GPHN: variants seen among roughly 807,000 people sequenced by gnomAD.
GPHN encodes the protein gephyrin.
In GPHN, 17 loss-of-function variants were observed where a neutral mutation model predicts 95.5. That is an observed-to-expected ratio of 0.18 (90% CI 0.12 to 0.27). GPHN has a LOEUF of 0.27. Ranked by LOEUF, GPHN falls within the 10% of genes least tolerant of loss-of-function variation. The probability of loss-of-function intolerance (pLI) is 1.00; values close to 1 mark genes in which losing one functional copy is unlikely to be tolerated. For missense variants in GPHN, 660 were observed against 978.1 expected (o/e 0.67, Z 4.34); for synonymous variants, 320 against 322.5 (o/e 0.99, Z 0.08).
At chr14:67,630,651 C>A in the GPHN span, among the ~76,000 whole-genome samples, 1 of 152,176 alleles carries the variant, frequency 6.6e-6, no homozygotes, top group South Asian at 2.1e-4. Context: ...GCGATCTTGG[C>A]TCACTGCAAC....
intron 2 of GPHN, among the ~76,000 whole-genome samples, chr14:66,720,618 A>G (rs1278582399): frequency 1.3e-5 from 2 of 152,164 alleles, no homozygotes; most frequent in Admixed American, 6.5e-5. Flanking sequence ...CATCATATCT[A>G]ATTTTGCACA....
chr14:66,514,585 C>T (rs2058167333), intron 1 of GPHN, among the ~76,000 whole-genome samples: 1 of 151,776 alleles, frequency 6.6e-6, no homozygotes, highest in Non-Finnish European at 1.5e-5. Context: ...TAATTTTTTT[C>T]TGTCTTTATA....
chr14:66,882,483 T>G (rs891168707), intron 5 of GPHN, among the ~76,000 whole-genome samples: 2 of 151,846 alleles, frequency 1.3e-5, no homozygotes, highest in Admixed American at 1.3e-4. Flanking sequence ...TCCAGATTTT[T>G]TATATAAGTA....
chr14:67,137,294 C>T lies in GPHN; in HGVS notation c.1749-6068C>T, dbSNP rs571456905. 5.9e-4 allele frequency among the ~76,000 whole-genome samples: 90 copies of T among 151,680 alleles called. 2 individuals carry two copies. In the South Asian group the frequency reaches 0.014, roughly 24 times the overall value. On this transcript the variant is annotated intron_variant, in intron 17 of 22. Coordinates refer to ENST00000478722, the MANE Select transcript of GPHN (RefSeq NM_020806.5). ...CCGAGTAGCTGGGACTACAGGTGCCCGCCACCACGCCCGGCTAATTTTTTG... is the reference window on the plus strand; with the variant it reads ...CCGAGTAGCTGGGACTACAGGTGCCTGCCACCACGCCCGGCTAATTTTTTG...
chr14:66,905,187 C>T (rs1250384742), intron 5 of GPHN, among the ~76,000 whole-genome samples: 1 of 152,074 alleles, frequency 6.6e-6, no homozygotes, highest in Admixed American at 6.6e-5. Context: ...ACTCTTTCCT[C>T]TGCTTGATCC....
the GPHN span, chr14:67,572,163 G>C: frequency 6.2e-7 from 1 of 1,607,564 alleles, no homozygotes; most frequent in Non-Finnish European, 8.5e-7. Flanking sequence ...TGAGCTCCGA[G>C]GGTGACTACG....
chr14:67,133,149 G>T (rs2079831580), intron 17 of GPHN, among the ~76,000 whole-genome samples: 1 of 151,744 alleles, frequency 6.6e-6, no homozygotes, highest in African/African-American at 2.4e-5. Context: ...TGTAGTTAAT[G>T]AATTTATCTT....
chr14:66,646,301 A>G (rs2064740055), intron 1 of GPHN, among the ~76,000 whole-genome samples: 1 of 152,118 alleles, frequency 6.6e-6, no homozygotes, highest in African/African-American at 2.4e-5. Flanking sequence ...AGAAAACAAA[A>G]CCAGAAGAAT....
intron 18 of GPHN, among the ~76,000 whole-genome samples, chr14:67,158,729 T>C (rs2081777045): frequency 6.6e-6 from 1 of 152,156 alleles, no homozygotes; most frequent in South Asian, 2.1e-4. Flanking sequence ...AAGATCAGAT[T>C]TTGTAATATC....
intron 5 of GPHN, among the ~76,000 whole-genome samples, chr14:66,891,158 A>G (rs1044503492): frequency 2.6e-5 from 4 of 151,506 alleles, no homozygotes; most frequent in African/African-American, 9.7e-5. Flanking sequence ...TTTTTTTGAC[A>G]TGATTATATA....
At chr14:66,761,056 A>T in intron 2 of GPHN, 1 of 507,692 alleles carries the variant, frequency 2.0e-6, no homozygotes, top group Admixed American at 2.2e-5. Context: ...ATATTTGAAG[A>T]TGCCCTTTGG....
At chr14:67,619,815 G>A in the GPHN span, 1 of 560,888 alleles carries the variant, frequency 1.8e-6, no homozygotes, top group Non-Finnish European at 3.1e-6. Context: ...AGGTGTGCCG[G>A]GGGCTGGTTG....
At chr14:66,957,383 A>G (rs1026896666) in intron 8 of GPHN, among the ~76,000 whole-genome samples, 3 of 151,428 alleles carry the variant, frequency 2.0e-5, no homozygotes, top group African/African-American at 7.3e-5. Context: ...TTTAGTAGAG[A>G]TGGGGTTTTG....
intron 1 of GPHN, among the ~76,000 whole-genome samples, chr14:66,602,486 A>G (rs1595182748): frequency 6.6e-6 from 1 of 152,128 alleles, no homozygotes; most frequent in East Asian, 1.9e-4. Context: ...AAGATAACCT[A>G]TTCTGTTTCA....
intron 8 of GPHN, among the ~76,000 whole-genome samples, chr14:66,953,949 C>G (rs2068298384): frequency 6.6e-6 from 1 of 151,322 alleles, no homozygotes; most frequent in Non-Finnish European, 1.5e-5. Flanking sequence ...ACAGGAGAAT[C>G]ACTTGAACCC....
chr14:67,301,323 C>T, the GPHN span: 4 of 886,198 alleles, frequency 4.5e-6, no homozygotes, highest in African/African-American at 5.1e-5. Flanking sequence ...AAATATGACC[C>T]TGCATACAGG....
chr14:67,195,366 C>G, the GPHN span, among the ~76,000 whole-genome samples: 7 of 152,226 alleles, frequency 4.6e-5, no homozygotes, highest in East Asian at 1.4e-3. Context: ...GGGAGATCAT[C>G]CACTCTTTGC....
At chr14:66,523,568 G>T (rs1353297840) in intron 1 of GPHN, among the ~76,000 whole-genome samples, 1 of 152,008 alleles carries the variant, frequency 6.6e-6, no homozygotes, top group Non-Finnish European at 1.5e-5. Context: ...GTGGGCTCTG[G>T]ATTAGACCAC....
chr14:67,095,812 GA>G (rs767616010), intron 12 of GPHN, among the ~76,000 whole-genome samples: 37 of 151,776 alleles, frequency 2.4e-4, no homozygotes, highest in Non-Finnish European at 5.1e-4. Context: ...ATAGCATTAG[GA>G]GATATACCTA....
Sources: gnomAD v4.1 joint callset for allele counts (sites outside exome capture counted in the v4.1 genomes callset) on GRCh38, gnomAD v4.1.1 for gene constraint, MANE v1.5 for transcripts, NCBI Gene and HGNC (gene_info 2026-07-23, HGNC 2026-07-21) for gene names.